Variants in RORB observed in about 807,000 individuals in gnomAD.
The protein encoded by RORB is RAR related orphan receptor B.
Under a neutral mutation model 59.1 loss-of-function variants are expected in RORB, and 6 were observed. That is an observed-to-expected ratio of 0.10 (90% CI 0.06 to 0.20). The LOEUF is 0.20. Ranked by LOEUF, RORB falls within the 10% of genes least tolerant of loss-of-function variation. RORB has a pLI of 1.00. For synonymous variants in RORB, 215 were observed against 204.5 expected, an observed-to-expected ratio of 1.05 and a Z score of -0.44; for missense variants, 320 against 560.5, an observed-to-expected ratio of 0.57 and a Z score of 4.33.
chr9:74,665,740 T>A (rs1176938657), intron 7 of RORB, 145 bp downstream of exon 7: 56 of 576,986 alleles, frequency 9.7e-5, no homozygotes, highest in Non-Finnish European at 2.5e-5. Flanking sequence ...GGTGAGCTTC[T>A]AATTCAGGCA....
chr9:74,576,507 A>G (rs1822637618), intron 1 of RORB, among the ~76,000 whole-genome samples: 1 of 152,138 alleles, frequency 6.6e-6, no homozygotes, highest in Non-Finnish European at 1.5e-5. Context: ...AAGAGGGCCC[A>G]GTAGGAGGGA....
rs574546559 is a variant in RORB at position 74,660,795 on chromosome 9, C to T, written c.759+57C>T. On this transcript the variant is annotated intron_variant, in intron 5 of 9. Transcript: ENST00000376896. Reference sequence around the variant, plus strand: ...GTGATTACCCTATTGCTGTGTTGCTCAAGCTCAGCACTATTGGCATGTTGC... The same window carrying T: ...GTGATTACCCTATTGCTGTGTTGCTTAAGCTCAGCACTATTGGCATGTTGC... 5 of 1,553,980 alleles carry T rather than the reference C, an allele frequency of 3.2e-6. No homozygotes were observed. In the East Asian group the frequency reaches 9.0e-5, roughly 28 times the overall value.
At chr9:74,518,502 C>T (rs990638479) in intron 1 of RORB, among the ~76,000 whole-genome samples, 1 of 151,952 alleles carries the variant, frequency 6.6e-6, no homozygotes, top group Non-Finnish European at 1.5e-5. Flanking sequence ...AGTGGAAAGA[C>T]TTCTAGAATT....
chr9:74,667,010 G>A (rs1319188449), intron 7 of RORB, among the ~76,000 whole-genome samples: 1 of 152,118 alleles, frequency 6.6e-6, no homozygotes. Flanking sequence ...AGTCCATCGG[G>A]GCTGGCAATG....
At chr9:74,565,122 C>T (rs1822449969) in intron 1 of RORB, among the ~76,000 whole-genome samples, 1 of 152,128 alleles carries the variant, frequency 6.6e-6, no homozygotes, top group Admixed American at 6.6e-5. Flanking sequence ...GTGGTGGTTC[C>T]TATTATGTGT....
rs902135846 is a variant in RORB, at chr9:74,689,056, C to T, written c.*3438C>T. The T allele has an allele frequency of 1.3e-5, 2 of 152,302 alleles. No individual in the cohort carries two copies. Among genetic ancestry groups the T allele is most frequent in the Non-Finnish European group, 2.9e-5 (2 of 68,062 alleles). The allele number at this position is 152,302 out of a possible 1,614,324, so 9.4% of individuals were successfully genotyped here. A position where few individuals can be genotyped will look rare whatever the true frequency, so the allele number is the denominator to read the frequency against. ...ATCTGGTTTGACACCCGTATATGCC[C>T]GTACTGTCCATGACTCAACTAATCT... On this transcript the variant is annotated 3_prime_UTR_variant, in exon 10 of 10. Coordinates refer to ENST00000376896, the MANE Select transcript of RORB (RefSeq NM_006914.4).
intron 9 of RORB, among the ~76,000 whole-genome samples, chr9:74,680,627 A>T (rs1402489112): frequency 2.0e-5 from 3 of 152,196 alleles, no homozygotes; most frequent in Non-Finnish European, 4.4e-5. Context: ...TAATGTTATA[A>T]TTCGAATCCA....
intron 1 of RORB, among the ~76,000 whole-genome samples, chr9:74,597,166 C>T (rs1453363974): frequency 6.6e-6 from 1 of 152,194 alleles, no homozygotes; most frequent in African/African-American, 2.4e-5. Flanking sequence ...TAGGAGACTA[C>T]GTTTTGAGAA....
At chr9:74,620,065 T>A (rs1184447825) in intron 1 of RORB, among the ~76,000 whole-genome samples, 9 of 152,156 alleles carry the variant, frequency 5.9e-5, no homozygotes, top group Non-Finnish European at 1.2e-4. Flanking sequence ...ATAAAATGAG[T>A]TAGGGAGGAT....
intron 1 of RORB, among the ~76,000 whole-genome samples, chr9:74,605,452 A>G (rs775070422): frequency 1.3e-5 from 2 of 152,158 alleles, no homozygotes; most frequent in Non-Finnish European, 2.9e-5. Context: ...TGTATTTTCC[A>G]CAGTATAGGC....
chr9:74,574,727 A>C (rs1013794247), intron 1 of RORB, among the ~76,000 whole-genome samples: 1 of 152,134 alleles, frequency 6.6e-6, no homozygotes, highest in South Asian at 2.1e-4. Flanking sequence ...ATCATTAAAA[A>C]GCCATAAACT....
intron 4 of RORB, among the ~76,000 whole-genome samples, chr9:74,652,380 C>G (rs534232680): frequency 1.4e-4 from 22 of 152,246 alleles, no homozygotes; most frequent in Non-Finnish European, 2.9e-4. Context: ...TGCACTCCAG[C>G]TGGGCGACAG....
intron 1 of RORB, among the ~76,000 whole-genome samples, chr9:74,548,514 C>A (rs1826538787): frequency 6.6e-6 from 1 of 152,150 alleles, no homozygotes; most frequent in Non-Finnish European, 1.5e-5. Context: ...CAGATTAATT[C>A]TTTTTAGTGT....
chr9:74,546,738 C>G (rs982001027), intron 1 of RORB, among the ~76,000 whole-genome samples: 1 of 152,038 alleles, frequency 6.6e-6, no homozygotes, highest in Non-Finnish European at 1.5e-5. Flanking sequence ...TAATCAAAAC[C>G]CACCTAGAGA....
Position 74,549,227 on chromosome 9 carries a change from C to T in RORB, c.7+51244C>T, listed in dbSNP as rs545915755. On this transcript the variant is annotated intron_variant, in intron 1 of 9. Coordinates refer to ENST00000376896, the MANE Select transcript of RORB (RefSeq NM_006914.4). The stretch of plus-strand genomic sequence containing the variant: ...TTGGGAGGCTGAGGCGGGCGGATCA[C>T]CTGAGGTCAGGAGTTTGAGACCAGC... Among the ~76,000 whole-genome samples the T allele has an allele frequency of 3.3e-5, 5 of 152,112 alleles. No individual in the cohort carries two copies. The East Asian group carries it at 9.7e-4, about 30-fold the overall frequency.
At chr9:74,506,460 A>C (rs766473716) in intron 1 of RORB, among the ~76,000 whole-genome samples, 5 of 152,088 alleles carry the variant, frequency 3.3e-5, no homozygotes, top group Non-Finnish European at 5.9e-5. Flanking sequence ...CAGGCTGAAA[A>C]AAGTGTCCAC....
chr9:74,596,524 A>G (rs1822973349), intron 1 of RORB, among the ~76,000 whole-genome samples: 2 of 152,182 alleles, frequency 1.3e-5, no homozygotes, highest in Non-Finnish European at 2.9e-5. Flanking sequence ...TCTTGATCAA[A>G]CAATGGGCTA....
rs929263290 is a variant in RORB at position 74,685,561 on chromosome 9, G to A, written c.1323G>A (p.Leu441=). 6.2e-7 allele frequency: 1 copy of A among 1,612,372 alleles called. No individual in the cohort carries two copies. The highest frequency in any genetic ancestry group is 8.5e-7 in the Non-Finnish European group (1 of 1,178,870). ...KQSHPEIVNT[L]FPPLYKELFN... The stretch of plus-strand genomic sequence containing the variant: ...CTCATCCAGAGATAGTGAATACACT[G>A]TTTCCTCCGTTATACAAGGAGCTCT... The change falls in exon 10 of 10, where the codon CTG becomes CTA. Residue 441 remains leucine (L), a synonymous_variant. Transcript: ENST00000376896.
intron 1 of RORB, among the ~76,000 whole-genome samples, chr9:74,575,682 A>T (rs1489316314): frequency 6.6e-6 from 1 of 152,118 alleles, no homozygotes; most frequent in Admixed American, 6.6e-5. Context: ...AAGGCAGTTG[A>T]CACAGAAAAA....
Sources: allele counts gnomAD v4.1 joint callset (sites outside exome capture counted in the v4.1 genomes callset), GRCh38; gene constraint gnomAD v4.1.1; transcripts MANE v1.5; gene names NCBI Gene and HGNC (gene_info 2026-07-23, HGNC 2026-07-21).